RMDN1: variants seen among roughly 807,000 people sequenced by gnomAD.
RMDN1 encodes regulator of microtubule dynamics 1, also known as regulator of microtubule dynamics protein 1.
Under a neutral mutation model 48.9 loss-of-function variants are expected in RMDN1, and 48 were observed. The observed-to-expected ratio is 0.98, with a 90% CI of 0.78 to 1.25. The LOEUF (loss-of-function observed/expected upper bound fraction) is 1.25, where lower values mean the gene tolerates loss of function less well. Among genes scored for constraint, RMDN1 ranks in the 50% most tolerant of loss-of-function variants. RMDN1 has a pLI of 0.00. For missense variants in RMDN1, 418 were observed against 373.4 expected, an observed-to-expected ratio of 1.12 and a Z score of -0.98; for synonymous variants, 148 against 132.6, an observed-to-expected ratio of 1.12 and a Z score of -0.80.
intron 6 of RMDN1, 117 bp from the exon 7 acceptor site, chr8:86,479,127 G>C (rs1309384167): frequency 8.5e-6 from 6 of 709,778 alleles, no homozygotes; most frequent in African/African-American, 1.8e-5. Context: ...AACAACTTGT[G>C]CTTTACATGA....
In RMDN1 at chr8:86,475,145, C is replaced by T. The variant is rs1312673690; in HGVS notation, c.761-192G>A. 1.2e-5 allele frequency: 6 copies of T among 508,848 alleles called. No homozygotes were observed. The Admixed American group carries it at 1.5e-4, about 13-fold the overall frequency. 31.5% of individuals were successfully genotyped at this position (508,848 alleles called of 1,614,324 possible). Reference sequence around the variant, plus strand: ...AAAATAATAATTACCAATGAATAAACATCTACAAATGTGCTAGGCACTGCA... The same window carrying T: ...AAAATAATAATTACCAATGAATAAATATCTACAAATGTGCTAGGCACTGCA... On this transcript the variant is annotated intron_variant, in intron 8 of 9. Transcript: ENST00000406452.
At chr8:86,509,170 G>C (rs1019191306), upstream of RMDN1, among the ~76,000 whole-genome samples, 2 of 152,176 alleles carry the variant, frequency 1.3e-5, no homozygotes, top group African/African-American at 4.8e-5. Flanking sequence ...GTAGATTCAA[G>C]AGAGAGTCCA....
Position 86,485,953 on chromosome 8 carries a change from A to T in RMDN1, c.495+531T>A, listed in dbSNP as rs549436457. On this transcript the variant is annotated intron_variant, in intron 4 of 9. Coordinates refer to ENST00000406452, the MANE Select transcript of RMDN1 (RefSeq NM_016033.3). The stretch of plus-strand genomic sequence containing the variant: ...GCCTTTGGGTTCTATGAAGTCCAAC[A>T]ATCCAGAAGGCTAATGACCACCTCG... 8.1e-4 allele frequency among the ~76,000 whole-genome samples: 123 copies of T among 152,244 alleles called. 2 individuals are homozygous for T. In the South Asian group the frequency reaches 0.015, roughly 19 times the overall value.
intron 2 of RMDN1, among the ~76,000 whole-genome samples, chr8:86,491,124 A>G (rs965932068): frequency 2.6e-5 from 4 of 151,620 alleles, no homozygotes; most frequent in Admixed American, 6.6e-5. Flanking sequence ...TTAAATATAT[A>G]TATAAATTTA....
At chr8:86,484,394 C>A (rs140552177) in intron 5 of RMDN1, among the ~76,000 whole-genome samples, 1 of 152,154 alleles carries the variant, frequency 6.6e-6, no homozygotes, top group Non-Finnish European at 1.5e-5. Flanking sequence ...AGTGCCACTG[C>A]GCTCAGTTAA....
At chr8:86,479,145 T>C (rs1813897915) in intron 6 of RMDN1, 135 bp from the exon 7 acceptor site, 2 of 628,436 alleles carry the variant, frequency 3.2e-6, no homozygotes, top group Admixed American at 3.0e-5. Flanking sequence ...TGATATCTAC[T>C]AGGTAATCCA....
intron 2 of RMDN1, among the ~76,000 whole-genome samples, chr8:86,506,506 A>T (rs79214417): frequency 2.0e-5 from 3 of 152,286 alleles, no homozygotes; most frequent in Non-Finnish European, 4.4e-5. Flanking sequence ...TGTAGCCCAC[A>T]CTTGAGAGGA....
chr8:86,488,172 C>T (rs1815813987), intron 3 of RMDN1, among the ~76,000 whole-genome samples: 1 of 152,098 alleles, frequency 6.6e-6, no homozygotes, highest in Non-Finnish European at 1.5e-5. Context: ...CATGCAACAT[C>T]CTACATCTCA....
intron 2 of RMDN1, chr8:86,503,845 A>G (rs1008942153): frequency 8.5e-6 from 5 of 591,070 alleles, no homozygotes; most frequent in Non-Finnish European, 1.6e-5. Flanking sequence ...ACTTTTTGAC[A>G]GGTGCAATTC....
chr8:86,469,620 CTTA>C (rs918291251), downstream of RMDN1, among the ~76,000 whole-genome samples: 7 of 152,146 alleles, frequency 4.6e-5, no homozygotes, highest in African/African-American at 1.7e-4. Context: ...CTATTGTAGA[CTTA>C]TTAAGTCTGA....
chr8:86,476,046 C>T (rs1469339359), intron 8 of RMDN1, among the ~76,000 whole-genome samples: 3 of 152,110 alleles, frequency 2.0e-5, no homozygotes, highest in Non-Finnish European at 4.4e-5. Context: ...CTAAGGGCAT[C>T]AGAGGAGCCT....
intron 4 of RMDN1, among the ~76,000 whole-genome samples, chr8:86,485,520 T>C (rs541563699): frequency 6.6e-6 from 1 of 152,356 alleles, no homozygotes; most frequent in East Asian, 1.9e-4. Flanking sequence ...TCCAAGAAAG[T>C]TACCAACACA....
rs1554594088 is a variant in RMDN1 at position 86,503,385 on chromosome 8, A to AAAAAAAAACAAAAC, written c.247+3609_247+3610insGTTTTGTTTTTTTT. The stretch of plus-strand genomic sequence containing the variant: ...ACAAAACAAAACAAAAAAAAAAAAA[A>AAAAAAAAACAAAAC]AAAACAAAAAAAAATAACAAAAATA... On this transcript the variant is annotated intron_variant, in intron 2 of 9. Coordinates refer to ENST00000406452, the MANE Select transcript of RMDN1 (RefSeq NM_016033.3). Among the ~76,000 whole-genome samples the AAAAAAAAACAAAAC allele has an allele frequency of 4.9e-3, 391 of 80,312 alleles. 5 individuals carry two copies. Among genetic ancestry groups the AAAAAAAAACAAAAC allele is most frequent in the African/African-American group, 0.017 (236 of 14,202 alleles). The allele number at this position is 80,312 out of a possible 152,430, so 52.7% of individuals were successfully genotyped here.
At chr8:86,471,782 T>C (rs1391718212), downstream of RMDN1, among the ~76,000 whole-genome samples, 1 of 152,166 alleles carries the variant, frequency 6.6e-6, no homozygotes, top group African/African-American at 2.4e-5. Context: ...GTCCTGGAAA[T>C]AAGTTGGAAC....
chr8:86,474,477 C>A, intron 9 of RMDN1, 119 bp from the exon 10 acceptor site: 1 of 812,196 alleles, frequency 1.2e-6, no homozygotes, highest in Non-Finnish European at 2.1e-6. Flanking sequence ...GACATTATAA[C>A]AATAAAATGT....
chr8:86,495,661 TG>T (rs1224183358), intron 2 of RMDN1, among the ~76,000 whole-genome samples: 1 of 152,076 alleles, frequency 6.6e-6, no homozygotes, highest in Non-Finnish European at 1.5e-5. Context: ...GCTGTCCTGG[TG>T]AAACACTTGC....
At chr8:86,479,428 C>T (rs191457544) in intron 6 of RMDN1, among the ~76,000 whole-genome samples, 1 of 152,126 alleles carries the variant, frequency 6.6e-6, no homozygotes, top group East Asian at 1.9e-4. Context: ...TAACAGCAAC[C>T]AACAACTTAA....
chr8:86,502,202 T>C (rs1219120304), intron 2 of RMDN1, among the ~76,000 whole-genome samples: 1 of 152,200 alleles, frequency 6.6e-6, no homozygotes, highest in Non-Finnish European at 1.5e-5. Context: ...ACAGAAATTT[T>C]GGCTCACAAT....
At chr8:86,486,923 C>T (rs986863900) in intron 3 of RMDN1, among the ~76,000 whole-genome samples, 5 of 152,150 alleles carry the variant, frequency 3.3e-5, no homozygotes, top group Non-Finnish European at 7.3e-5. Flanking sequence ...ATTCTCTGAA[C>T]ATTTGCCCTA....
Sources: gnomAD v4.1 joint callset for allele counts (sites outside exome capture counted in the v4.1 genomes callset) on GRCh38, gnomAD v4.1.1 for gene constraint, MANE v1.5 for transcripts, NCBI Gene and HGNC (gene_info 2026-07-23, HGNC 2026-07-21) for gene names.